The following MAST4 variants were observed in gnomAD, a reference collection of about 807,000 sequenced individuals.
MAST4 encodes the protein microtubule associated serine/threonine kinase family member 4.
Under a neutral mutation model 162.7 loss-of-function variants are expected in MAST4, and 89 were observed. That is an observed-to-expected ratio of 0.55 (90% CI 0.46 to 0.65). MAST4 has a LOEUF of 0.65. MAST4 is among the 30% of genes least tolerant of loss of function. The pLI is 0.00. For missense variants in MAST4, 3,153 were observed against 3,374.0 expected, an observed-to-expected ratio of 0.93 and a Z score of 1.62; for synonymous variants, 1,479 against 1,361.1, an observed-to-expected ratio of 1.09 and a Z score of -1.91.
chr5:66,794,993 T>C (rs1755583337), intron 3 of MAST4, among the ~76,000 whole-genome samples: 1 of 152,242 alleles, frequency 6.6e-6, no homozygotes, highest in Non-Finnish European at 1.5e-5. Flanking sequence ...TTTTAATTCA[T>C]TCAGAATGTA....
intron 5 of MAST4, among the ~76,000 whole-genome samples, chr5:67,055,221 A>G (rs773715772): frequency 2.6e-5 from 4 of 152,126 alleles, no homozygotes; most frequent in Non-Finnish European, 4.4e-5. Flanking sequence ...TCATTAAGAG[A>G]ACATAAGGAT....
At chr5:66,713,847 A>G (rs769408984) in intron 1 of MAST4, among the ~76,000 whole-genome samples, 13 of 152,218 alleles carry the variant, frequency 8.5e-5, no homozygotes, top group Non-Finnish European at 1.8e-4. Flanking sequence ...GGCCTGGACC[A>G]GATGGCGTCT....
intron 3 of MAST4, among the ~76,000 whole-genome samples, chr5:66,840,816 A>G (rs1205172694): frequency 6.6e-6 from 1 of 152,158 alleles, no homozygotes; most frequent in Non-Finnish European, 1.5e-5. Flanking sequence ...GCCTGGAGTC[A>G]AGACCAACAG....
intron 4 of MAST4, among the ~76,000 whole-genome samples, chr5:66,938,154 T>C (rs1359276690): frequency 6.6e-6 from 1 of 152,174 alleles, no homozygotes; most frequent in Non-Finnish European, 1.5e-5. Context: ...CTTTTAGAAC[T>C]GTCATATTGC....
chr5:66,917,825 C>T (rs888742162), intron 4 of MAST4, among the ~76,000 whole-genome samples: 2 of 152,028 alleles, frequency 1.3e-5, no homozygotes, highest in Non-Finnish European at 2.9e-5. Flanking sequence ...CTGGTAAGTC[C>T]TCCTTCACTC....
rs1393973030 is a variant in MAST4 at position 67,168,678 on chromosome 5, C to A, written c.*1627C>A. 1 of 151,984 alleles carries A rather than the reference C, an allele frequency of 6.6e-6. No individual in the cohort carries two copies. Among genetic ancestry groups the A allele is most frequent in the Non-Finnish European group, 1.5e-5 (1 of 68,000 alleles). The allele number at this position is 151,984 out of a possible 1,614,324, so 9.4% of individuals were successfully genotyped here. A position where few individuals can be genotyped will look rare whatever the true frequency, so the allele number is the denominator to read the frequency against. ...TGGTTTTGTAAGAGAAAAAAAATTA[C>A]CAATAAATAACTGATCTAGCACCCA... On this transcript the variant is annotated 3_prime_UTR_variant, in exon 29 of 29. Coordinates refer to ENST00000403625, the MANE Select transcript of MAST4 (RefSeq NM_001164664.2).
At chr5:66,930,963 T>C (rs756328960) in intron 4 of MAST4, 1 of 257,274 alleles carries the variant, frequency 3.9e-6, no homozygotes, top group Non-Finnish European at 8.0e-6. Context: ...TAAAGCTTCT[T>C]TATCTGTCTT....
intron 3 of MAST4, among the ~76,000 whole-genome samples, chr5:66,881,705 A>G (rs1477220414): frequency 6.6e-6 from 1 of 152,206 alleles, no homozygotes; most frequent in African/African-American, 2.4e-5. Context: ...GAAATATTTT[A>G]AATTTAAAGG....
chr5:67,041,508 A>T (rs1048523339), intron 4 of MAST4, among the ~76,000 whole-genome samples: 1 of 152,172 alleles, frequency 6.6e-6, no homozygotes, highest in Non-Finnish European at 1.5e-5. Flanking sequence ...CCACAACATC[A>T]AGTACTCTAG....
intron 3 of MAST4, among the ~76,000 whole-genome samples, chr5:66,857,452 A>G (rs562496032): frequency 6.6e-6 from 1 of 152,346 alleles, no homozygotes; most frequent in South Asian, 2.1e-4. Flanking sequence ...TCTATAGTAT[A>G]CACATTTTTA....
Position 66,759,767 on chromosome 5 carries a change from T to C in MAST4, c.422T>C (p.Val141Ala). The C allele has an allele frequency of 6.2e-7, 1 of 1,614,002 alleles. No individual in the cohort carries two copies. Among genetic ancestry groups the C allele is most frequent in the Non-Finnish European group, 8.5e-7 (1 of 1,179,884 alleles). Residue 141 changes from valine (V) to alanine (A), a missense_variant, in exon 2 of 29, where the codon GTG becomes GCG. This residue lies in a region of MAST4 where 327 missense variants were observed against 336.5 expected (regional missense o/e 0.97). Coordinates refer to ENST00000403625, the MANE Select transcript of MAST4 (RefSeq NM_001164664.2). ...TTTCGGAAATGCAGCAACCCAGATG[T>C]GGCTTCTGGCCCTGGAAAATCACTG... ...MPFRKCSNPD[V>A]ASGPGKSLKY...
At chr5:67,120,986 T>C in intron 13 of MAST4, 31 bp from the exon 14 acceptor site, 1 of 1,483,980 alleles carries the variant, frequency 6.7e-7, no homozygotes. Flanking sequence ...AAATCTAAAC[T>C]ACTTTTTAAC....
At chr5:67,108,989 G>A (rs980435834) in intron 10 of MAST4, among the ~76,000 whole-genome samples, 1 of 152,042 alleles carries the variant, frequency 6.6e-6, no homozygotes, top group African/African-American at 2.4e-5. Context: ...AACATACAGA[G>A]AAGTTTATGT....
intron 1 of MAST4, among the ~76,000 whole-genome samples, chr5:66,604,209 C>T (rs1742734505): frequency 6.6e-6 from 1 of 152,292 alleles, no homozygotes; most frequent in Middle Eastern, 3.4e-3. Context: ...GCGATTCCAG[C>T]CTCCCTTAAT....
At chr5:67,105,123 A>T (rs955005688) in intron 10 of MAST4, among the ~76,000 whole-genome samples, 1 of 152,216 alleles carries the variant, frequency 6.6e-6, no homozygotes, top group East Asian at 1.9e-4. Flanking sequence ...TAACACTTGC[A>T]TGCCTAGCAC....
intron 1 of MAST4, among the ~76,000 whole-genome samples, chr5:66,695,982 G>T (rs1264435830): frequency 6.6e-6 from 1 of 152,124 alleles, no homozygotes; most frequent in African/African-American, 2.4e-5. Context: ...ACTGGATAAA[G>T]AAAATGTGGT....
At position 67,149,392 on chromosome 5, in the gene MAST4, G is replaced by A; in HGVS notation, c.3098G>A (p.Gly1033Asp). ...STISSSTLSV[G>D]SFSEHLDQIN... ...TTATCCCTTCTTCTTTGTACAGTTG[G>A]CAGTTTTTCAGAGCACTTGGATCAG... is the stretch of plus-strand genomic sequence containing the variant. The change falls in exon 24 of 29, where the codon GGC (glycine) becomes GAC (aspartate). Residue 1033 changes from glycine (G) to aspartate (D), a missense_variant. Physicochemically the swap from Gly to Asp is moderately conservative, Grantham distance 94 (BLOSUM62 -1). This residue lies in a region of MAST4 where 619 missense variants were observed against 744.2 expected (regional missense o/e 0.83). Transcript: ENST00000403625. The A allele has an allele frequency of 6.2e-7, 1 of 1,611,894 alleles. No individual in the cohort carries two copies. Among genetic ancestry groups the A allele is most frequent in the East Asian group, 2.2e-5 (1 of 44,844 alleles).
intron 3 of MAST4, among the ~76,000 whole-genome samples, chr5:66,879,700 A>G (rs1761562714): frequency 2.0e-5 from 3 of 152,128 alleles, no homozygotes; most frequent in Non-Finnish European, 2.9e-5. Flanking sequence ...TTTTGTAGAG[A>G]TGGGATTTCG....
At position 67,129,513 on chromosome 5, in the gene MAST4, A is replaced by T. The variant is rs1768678177; in HGVS notation, c.1746-697A>T. Among the ~76,000 whole-genome samples the T allele has an allele frequency of 2.6e-5, 4 of 152,116 alleles. No individual in the cohort carries two copies. The South Asian group carries it at 8.3e-4, about 31-fold the overall frequency. On this transcript the variant is annotated intron_variant, in intron 14 of 28. Transcript: ENST00000403625. ...GGAGGGCAGATCACTTGAGGTCAGG[A>T]GTTCGAGACCAGCCTGGCCAACATG... is the stretch of plus-strand genomic sequence containing the variant.
Sources: gnomAD v4.1 joint callset for allele counts (sites outside exome capture counted in the v4.1 genomes callset) on GRCh38, gnomAD v4.1.1 for gene constraint, gnomAD v4.1.1 regional missense constraint, MANE v1.5 for transcripts, NCBI Gene and HGNC (gene_info 2026-07-23, HGNC 2026-07-21) for gene names.